SOS1: variants seen among roughly 807,000 people sequenced by gnomAD.
SOS1 encodes son of sevenless homolog 1.
SOS1 carries 25 observed loss-of-function variants against 157.6 expected under a neutral mutation model. The observed-to-expected ratio is 0.16, with a 90% CI of 0.12 to 0.22. SOS1 has a LOEUF of 0.22. Among genes scored for constraint, SOS1 ranks in the 10% least tolerant of loss-of-function variants. SOS1 has a pLI of 1.00. For synonymous variants in SOS1, 528 were observed against 534.0 expected (o/e 0.99, Z 0.16); for missense variants, 1,237 against 1,599.1 (o/e 0.77, Z 3.86).
In SOS1 at chr2:38,989,267, A is replaced by G. The variant is rs761579423; in HGVS notation, c.3391+3T>C. The G allele has an allele frequency of 8.8e-6, 14 of 1,590,240 alleles. No individual in the cohort carries two copies. In the Admixed American group the frequency reaches 1.8e-4, roughly 21 times the overall value. On this transcript the variant is annotated splice_donor_region_variant and intron_variant, in intron 21 of 22. Transcript: ENST00000402219. ...TTATGAGTCTTAAACCAAATATACT[A>G]ACTTGGGCCATGGGGCAGAGTAACT...
In SOS1 at chr2:39,035,874, A is replaced by G. The variant is rs116560994; in HGVS notation, c.865-374T>C. Among the ~76,000 whole-genome samples, 800 of 152,344 alleles carry G rather than the reference A, an allele frequency of 5.3e-3. 13 individuals are homozygous for G. The highest frequency in any genetic ancestry group is 0.018 in the African/African-American group (751 of 41,576). ...AACTAGGTAAGGTATAAACATTTAG[A>G]ATACTGAAGCCAGACATGTTTTTAT... On this transcript the variant is annotated intron_variant, in intron 6 of 22. Transcript: ENST00000402219.
intron 14 of SOS1, 48 bp downstream of exon 14, chr2:39,012,078 G>A: frequency 7.5e-7 from 1 of 1,329,594 alleles, no homozygotes. Flanking sequence ...CATTTTAAAA[G>A]TTAACTCTTT....
chr2:39,027,833 T>A (rs115509806), intron 8 of SOS1, among the ~76,000 whole-genome samples: 8,670 of 150,566 alleles, frequency 0.058, 281 homozygotes, highest in Middle Eastern at 0.071. Flanking sequence ...TATTATTATT[T>A]TTTTTTTTTT....
rs933371410 is a variant in SOS1 at position 39,104,485 on chromosome 2, T to C, written c.87+15851A>G. Among the ~76,000 whole-genome samples, 6 of 152,186 alleles carry C rather than the reference T, an allele frequency of 3.9e-5. No individual in the cohort carries two copies. In the South Asian group the frequency reaches 8.3e-4, roughly 21 times the overall value. Reference sequence around the variant, plus strand: ...AAGTGTGGGCAAGGAGGTAGAGAAATTGACATGTGTACATTGCTGGTAGGA... The same window carrying C: ...AAGTGTGGGCAAGGAGGTAGAGAAACTGACATGTGTACATTGCTGGTAGGA... On this transcript the variant is annotated intron_variant, in intron 1 of 22. Coordinates refer to ENST00000402219, the MANE Select transcript of SOS1 (RefSeq NM_005633.4).
intron 6 of SOS1, among the ~76,000 whole-genome samples, chr2:39,044,836 CTG>C (rs1451382444): frequency 2.6e-4 from 38 of 145,694 alleles, no homozygotes; most frequent in African/African-American, 9.0e-4. Context: ...TGAGGGATGA[CTG>C]TGTACACACA....
At chr2:39,081,385 C>T (rs1383519610) in intron 1 of SOS1, among the ~76,000 whole-genome samples, 1 of 151,280 alleles carries the variant, frequency 6.6e-6, no homozygotes, top group East Asian at 1.9e-4. Context: ...CCGGCCATGG[C>T]AATGTGCAGC....
At chr2:39,010,485 G>C in intron 15 of SOS1, 99 bp downstream of exon 15, 1 of 1,144,770 alleles carries the variant, frequency 8.7e-7, no homozygotes, top group Non-Finnish European at 1.3e-6. Context: ...CTATGTGACA[G>C]AGCAAAACTC....
At chr2:39,075,525 C>A (rs1194394218) in intron 1 of SOS1, among the ~76,000 whole-genome samples, 1 of 151,532 alleles carries the variant, frequency 6.6e-6, no homozygotes, top group Non-Finnish European at 1.5e-5. Flanking sequence ...ACTTGAAAGT[C>A]ACGTGTGGTG....
At chr2:39,083,091 C>T (rs1446820146) in intron 1 of SOS1, among the ~76,000 whole-genome samples, 1 of 152,178 alleles carries the variant, frequency 6.6e-6, no homozygotes, top group East Asian at 1.9e-4. Context: ...AGCTGCTGGA[C>T]TTGCAGAGAA....
chr2:39,014,059 C>T (rs1669551145), intron 11 of SOS1, 70 bp from the exon 12 acceptor site: 21 of 1,189,338 alleles, frequency 1.8e-5, no homozygotes, highest in South Asian at 1.5e-4. Flanking sequence ...AAACCACAAA[C>T]GTTTTCACCA....
chr2:38,993,719 A>G (rs1439236226), intron 20 of SOS1: 2 of 152,218 alleles, frequency 1.3e-5, no homozygotes, highest in South Asian at 2.1e-4. Context: ...ATGACAAACC[A>G]GAAATTCTAA....
At chr2:39,084,058 G>A (rs896138630) in intron 1 of SOS1, among the ~76,000 whole-genome samples, 1 of 152,016 alleles carries the variant, frequency 6.6e-6, no homozygotes, top group African/African-American at 2.4e-5. Context: ...GAAGAAACAG[G>A]GAGAAGACAG....
intron 1 of SOS1, among the ~76,000 whole-genome samples, chr2:39,080,825 A>C (rs1672174483): frequency 6.6e-6 from 1 of 152,114 alleles, no homozygotes; most frequent in East Asian, 1.9e-4. Flanking sequence ...AATATTTTAT[A>C]AGCAACAGAA....
chr2:38,985,989 T>C lies in SOS1; in HGVS notation c.3837A>G (p.Thr1279=), dbSNP rs1668544458. ...TRRHLPSPPL[T]QEVDLHSIAG... ...CAATGGAATGAAGGTCCACTTCTTG[T>C]GTCAATGGTGGTGATGGCAGATGCC... Residue 1279 remains threonine, a synonymous_variant, in exon 23 of 23, where the codon ACA becomes ACG. Coordinates refer to ENST00000402219, the MANE Select transcript of SOS1 (RefSeq NM_005633.4). 1.9e-6 allele frequency: 3 copies of C among 1,613,884 alleles called. No individual in the cohort carries two copies. The highest frequency in any genetic ancestry group is 1.7e-4 in the Middle Eastern group (1 of 6,060).
intron 1 of SOS1, among the ~76,000 whole-genome samples, chr2:39,112,570 G>C (rs1673480208): frequency 6.6e-6 from 1 of 152,114 alleles, no homozygotes; most frequent in South Asian, 2.1e-4. Flanking sequence ...CCCAAGTGCT[G>C]GAATTGCAGG....
At chr2:39,102,961 A>C (rs1673027593) in intron 1 of SOS1, among the ~76,000 whole-genome samples, 1 of 152,162 alleles carries the variant, frequency 6.6e-6, no homozygotes, top group African/African-American at 2.4e-5. Flanking sequence ...TCTCAAAAAA[A>C]TAAATAACTT....
chr2:39,021,527 A>G (rs914098146), intron 10 of SOS1, among the ~76,000 whole-genome samples: 1 of 2,638 alleles, frequency 3.8e-4, no homozygotes, highest in Non-Finnish European at 2.4e-3. Flanking sequence ...CTCTACAGGA[A>G]AAAAAAAAAA....
intron 21 of SOS1, chr2:38,987,807 C>G: frequency 2.0e-6 from 1 of 507,238 alleles, no homozygotes; most frequent in Non-Finnish European, 3.5e-6. Flanking sequence ...AAAAAGCTGC[C>G]TAAGGTATTC....
At chr2:39,069,053 A>T (rs992488081) in intron 1 of SOS1, among the ~76,000 whole-genome samples, 1 of 151,960 alleles carries the variant, frequency 6.6e-6, no homozygotes, top group Admixed American at 6.6e-5. Context: ...AATTTTATAA[A>T]CAGTGTACTA....
Sources: gnomAD v4.1 joint callset for allele counts (sites outside exome capture counted in the v4.1 genomes callset) on GRCh38, gnomAD v4.1.1 for gene constraint, MANE v1.5 for transcripts, NCBI Gene and HGNC (gene_info 2026-07-23, HGNC 2026-07-21) for gene names.